ADAMTS3: variants seen among roughly 807,000 people sequenced by gnomAD.
ADAMTS3 encodes the protein A disintegrin and metalloproteinase with thrombospondin motifs 3.
In ADAMTS3, 73 loss-of-function variants were observed where a neutral mutation model predicts 129.0. That is an observed-to-expected ratio of 0.57 (90% CI 0.47 to 0.69). ADAMTS3 has a LOEUF of 0.69. Ranked by LOEUF, ADAMTS3 falls within the 30% of genes least tolerant of loss-of-function variation. ADAMTS3 has a pLI of 0.00. For missense variants in ADAMTS3, 1,457 were observed against 1,514.5 expected (o/e 0.96, Z 0.63); for synonymous variants, 477 against 510.8 (o/e 0.93, Z 0.89).
chr4:72,385,606 A>G (rs1411045527), intron 4 of ADAMTS3, among the ~76,000 whole-genome samples: 1 of 152,170 alleles, frequency 6.6e-6, no homozygotes, highest in Non-Finnish European at 1.5e-5. Context: ...AGATAGGTTG[A>G]AAGTAAATAT....
chr4:72,379,202 G>T (rs953738801), intron 4 of ADAMTS3, among the ~76,000 whole-genome samples: 2 of 152,032 alleles, frequency 1.3e-5, no homozygotes, highest in Admixed American at 1.3e-4. Flanking sequence ...TATTCAGGGC[G>T]TGTACACCTA....
intron 3 of ADAMTS3, among the ~76,000 whole-genome samples, chr4:72,535,166 C>A (rs1014577837): frequency 1.3e-5 from 2 of 151,990 alleles, no homozygotes; most frequent in East Asian, 3.9e-4. Flanking sequence ...CTGTAAGAAG[C>A]CAGGAAGTAA....
At chr4:72,330,743 C>G (rs1432397930) in intron 5 of ADAMTS3, 1 of 152,192 alleles carries the variant, frequency 6.6e-6, no homozygotes, top group Non-Finnish European at 1.5e-5. Flanking sequence ...AAACATGAGT[C>G]TTTCCTTTTA....
chr4:72,471,132 G>A (rs566473629), intron 3 of ADAMTS3, among the ~76,000 whole-genome samples: 9 of 152,066 alleles, frequency 5.9e-5, no homozygotes, highest in Admixed American at 2.0e-4. Flanking sequence ...GAAAAATAAC[G>A]TGAGCCTGCC....
intron 4 of ADAMTS3, among the ~76,000 whole-genome samples, chr4:72,360,802 C>G (rs1290971113): frequency 6.6e-6 from 1 of 151,956 alleles, no homozygotes; most frequent in African/African-American, 2.4e-5. Flanking sequence ...ATAAATATCT[C>G]TATATTCTCT....
At position 72,533,578 on chromosome 4, in the gene ADAMTS3, G is replaced by A. The variant is rs183785197; in HGVS notation, c.504+14900C>T. On this transcript the variant is annotated intron_variant, in intron 3 of 21. Coordinates refer to ENST00000286657, the MANE Select transcript of ADAMTS3 (RefSeq NM_014243.3). The stretch of plus-strand genomic sequence containing the variant: ...CTATACTTTTGATGTGACTGGCAGC[G>A]CAGTACATTTATATGTATACACATA... 6.4e-4 allele frequency among the ~76,000 whole-genome samples: 27 copies of A among 41,898 alleles called. No individual in the cohort carries two copies. In the East Asian group the frequency reaches 0.014, roughly 22 times the overall value. 27.5% of individuals were successfully genotyped at this position (41,898 alleles called of 152,430 possible).
At chr4:72,543,828 C>G (rs1325103175) in intron 3 of ADAMTS3, among the ~76,000 whole-genome samples, 1 of 152,020 alleles carries the variant, frequency 6.6e-6, no homozygotes, top group Non-Finnish European at 1.5e-5. Context: ...GTACTTAACA[C>G]CACTGAACTG....
At chr4:72,326,456 T>C (rs1252991250) in intron 5 of ADAMTS3, among the ~76,000 whole-genome samples, 1 of 152,090 alleles carries the variant, frequency 6.6e-6, no homozygotes, top group East Asian at 1.9e-4. Flanking sequence ...GGAGAAATAA[T>C]ATGGCACCAT....
chr4:72,561,388 C>A (rs538320111), intron 2 of ADAMTS3, among the ~76,000 whole-genome samples: 50 of 152,070 alleles, frequency 3.3e-4, no homozygotes, highest in Non-Finnish European at 5.4e-4. Flanking sequence ...CAGTGTAGTC[C>A]CAGCTACTCG....
chr4:72,437,000 T>TATA (rs933527572), intron 3 of ADAMTS3, among the ~76,000 whole-genome samples: 1 of 151,780 alleles, frequency 6.6e-6, no homozygotes, highest in Non-Finnish European at 1.5e-5. Flanking sequence ...GAACTTAAAA[T>TATA]ATAATAATAA....
intron 3 of ADAMTS3, among the ~76,000 whole-genome samples, chr4:72,477,008 A>C (rs1216723543): frequency 1.3e-5 from 2 of 152,294 alleles, no homozygotes; most frequent in East Asian, 3.9e-4. Context: ...GCTCAGAAAA[A>C]TAGGAGTAGA....
chr4:72,298,570 A>C (rs1315796730), intron 17 of ADAMTS3, 128 bp from the exon 18 acceptor site: 1 of 685,046 alleles, frequency 1.5e-6, no homozygotes. Context: ...AAAAATTATA[A>C]TGTTTTTATT....
In ADAMTS3 at chr4:72,499,764, T is replaced by C. The variant is rs1719963906; in HGVS notation, c.504+48714A>G. On this transcript the variant is annotated intron_variant, in intron 3 of 21. Coordinates refer to ENST00000286657, the MANE Select transcript of ADAMTS3 (RefSeq NM_014243.3). The stretch of plus-strand genomic sequence containing the variant: ...CAATGCCCAATAGTTTTTCAACTTT[T>C]GCCATCCTTCCTAGCTCCCCACTGT... 2.0e-5 allele frequency among the ~76,000 whole-genome samples: 3 copies of C among 152,118 alleles called. No homozygotes were observed. The South Asian group carries it at 6.2e-4, about 32-fold the overall frequency.
At chr4:72,312,171 TA>T in intron 13 of ADAMTS3, 119 bp downstream of exon 13, 1 of 1,076,052 alleles carries the variant, frequency 9.3e-7, no homozygotes, top group Non-Finnish European at 1.4e-6. Context: ...CTTACTCCTA[TA>T]AGCACCAAGT....
chr4:72,318,688 G>A lies in ADAMTS3; in HGVS notation c.1369C>T (p.Leu457Phe). 3 of 1,613,612 alleles carry A rather than the reference G, an allele frequency of 1.9e-6. No homozygotes were observed. The highest frequency in any genetic ancestry group is 2.5e-6 in the Non-Finnish European group (3 of 1,179,760). ...CAATCATGATCAAAAGGGTCATCAA[G>A]GAGACAGTCATAGGAACTGTAGGAA... ...KRYIHSYDCL[L>F]DDPFDHDWPK... Residue 457 changes from leucine to phenylalanine, a missense_variant, in exon 10 of 22, where the codon CTT becomes TTT. Coordinates refer to ENST00000286657, the MANE Select transcript of ADAMTS3 (RefSeq NM_014243.3).
chr4:72,369,675 C>A (rs910421708), intron 4 of ADAMTS3, among the ~76,000 whole-genome samples: 6 of 150,010 alleles, frequency 4.0e-5, no homozygotes, highest in Admixed American at 6.7e-5. Context: ...TGCACCACTG[C>A]ACTCCAGCCT....
intron 2 of ADAMTS3, among the ~76,000 whole-genome samples, chr4:72,562,550 T>A (rs961066578): frequency 6.6e-6 from 1 of 152,096 alleles, no homozygotes; most frequent in African/African-American, 2.4e-5. Context: ...TGTTGAAAAA[T>A]TGTACTAAAA....
intron 3 of ADAMTS3, among the ~76,000 whole-genome samples, chr4:72,456,622 CA>C (rs1218917767): frequency 6.6e-6 from 1 of 150,958 alleles, no homozygotes; most frequent in African/African-American, 2.4e-5. Context: ...TTACATCTGC[CA>C]AAAATGCCGC....
intron 4 of ADAMTS3, among the ~76,000 whole-genome samples, chr4:72,414,005 AG>A (rs1722244644): frequency 1.3e-5 from 2 of 151,936 alleles, no homozygotes; most frequent in Non-Finnish European, 2.9e-5. Flanking sequence ...AAGGCAATCT[AG>A]AAGACAAATT....
Sources: allele counts gnomAD v4.1 joint callset (sites outside exome capture counted in the v4.1 genomes callset), GRCh38; gene constraint gnomAD v4.1.1; transcripts MANE v1.5; gene names NCBI Gene and HGNC (gene_info 2026-07-23, HGNC 2026-07-21).